The following CENPP variants were observed in gnomAD, a reference collection of about 807,000 sequenced individuals.
CENPP encodes the protein centromere protein P.
CENPP carries 24 observed loss-of-function variants against 35.6 expected under a neutral mutation model. That is an observed-to-expected ratio of 0.67 (90% CI 0.49 to 0.95). The LOEUF (loss-of-function observed/expected upper bound fraction) is 0.95, where lower values mean the gene tolerates loss of function less well. CENPP is among the 40% of genes least tolerant of loss of function. The pLI, the probability that CENPP is intolerant of heterozygous loss-of-function variation, is 0.00. For missense variants in CENPP, 332 were observed against 345.3 expected (o/e 0.96, Z 0.31); for synonymous variants, 120 against 125.5 (o/e 0.96, Z 0.29).
chr9:92,612,461 G>T (rs1588320886), intron 6 of CENPP, 62 bp from the exon 7 acceptor site: 10 of 1,331,558 alleles, frequency 7.5e-6, no homozygotes, highest in East Asian at 2.3e-5. Context: ...GCGACTCATG[G>T]TTGCTAATCT....
At chr9:92,391,241 CAA>C (rs770262906) in intron 5 of CENPP, among the ~76,000 whole-genome samples, 17 of 129,216 alleles carry the variant, frequency 1.3e-4, no homozygotes, top group East Asian at 2.2e-4. Flanking sequence ...CTAAAAATAC[CAA>C]AAAAAAAAAA....
rs554608098 is a variant in CENPP at position 92,562,196 on chromosome 9, T to C, written c.565-49118T>C. On this transcript the variant is annotated intron_variant, in intron 5 of 7. Coordinates refer to ENST00000375587, the MANE Select transcript of CENPP (RefSeq NM_001012267.3). ...TTCCCTTCTGGAACTCAGTTTTCTT[T>C]TTTTTCTTTTCTTTTTTTTTTTTTT... 2.0e-5 allele frequency among the ~76,000 whole-genome samples: 3 copies of C among 149,612 alleles called. 1 individual carries two copies. The highest frequency in any genetic ancestry group is 4.4e-5 in the Non-Finnish European group (3 of 67,586).
intron 5 of CENPP, chr9:92,474,516 A>G: frequency 6.9e-7 from 1 of 1,441,064 alleles, no homozygotes; most frequent in Non-Finnish European, 9.1e-7. Context: ...AATGAAAAAA[A>G]CTTATACACT....
intron 5 of CENPP, 42 bp downstream of exon 5, chr9:92,379,901 A>G: frequency 8.3e-7 from 1 of 1,210,032 alleles, no homozygotes; most frequent in Non-Finnish European, 1.2e-6. Flanking sequence ...TATGGAAAAC[A>G]AAGCTGATAT....
At chr9:92,605,810 T>C (rs1377245041) in intron 5 of CENPP, among the ~76,000 whole-genome samples, 3 of 152,216 alleles carry the variant, frequency 2.0e-5, no homozygotes, top group Non-Finnish European at 4.4e-5. Context: ...TTGGATTTCA[T>C]CAAAATGAAA....
intron 1 of CENPP, among the ~76,000 whole-genome samples, chr9:92,330,322 G>A (rs898410454): frequency 1.1e-4 from 16 of 152,226 alleles, no homozygotes; most frequent in African/African-American, 3.6e-4. Flanking sequence ...TACCTTGCAG[G>A]AAGAAGAGAT....
chr9:92,514,943 C>T lies in CENPP; in HGVS notation c.565-96371C>T, dbSNP rs773939662. On this transcript the variant is annotated intron_variant, in intron 5 of 7. Coordinates refer to ENST00000375587, the MANE Select transcript of CENPP (RefSeq NM_001012267.3). Reference sequence around the variant, plus strand: ...TCTCCAGGCCTCTGCTTTCTGTCTCCTCCTCTGCTGTCCCCCTCACTGTAA... The same window carrying T: ...TCTCCAGGCCTCTGCTTTCTGTCTCTTCCTCTGCTGTCCCCCTCACTGTAA... 14 of 1,614,060 alleles carry T rather than the reference C, an allele frequency of 8.7e-6. No individual in the cohort carries two copies. In the East Asian group the frequency reaches 2.7e-4, roughly 31 times the overall value.
intron 5 of CENPP, among the ~76,000 whole-genome samples, chr9:92,583,978 C>T (rs1261290911): frequency 1.3e-5 from 2 of 152,174 alleles, no homozygotes; most frequent in African/African-American, 4.8e-5. Context: ...CTGCTTAGTT[C>T]AGTTTCTTGA....
intron 5 of CENPP, among the ~76,000 whole-genome samples, chr9:92,471,150 G>T (rs1845497882): frequency 6.6e-6 from 1 of 151,874 alleles, no homozygotes; most frequent in African/African-American, 2.4e-5. Context: ...AAATTTTCAG[G>T]CTGTTATAGT....
intron 5 of CENPP, among the ~76,000 whole-genome samples, chr9:92,500,340 G>A (rs577473182): frequency 2.6e-5 from 4 of 152,110 alleles, no homozygotes; most frequent in African/African-American, 4.8e-5. Context: ...GCACCACCAC[G>A]CCCTGCTAAG....
At chr9:92,449,539 A>G (rs139197845) in intron 5 of CENPP, among the ~76,000 whole-genome samples, 108 of 151,370 alleles carry the variant, frequency 7.1e-4, no homozygotes, top group African/African-American at 2.5e-3. Context: ...TAAGGCATTT[A>G]GAAGAATATC....
chr9:92,619,402 A>T lies in CENPP; in HGVS notation c.*6253A>T. On this transcript the variant is annotated 3_prime_UTR_variant, in exon 8 of 8. Transcript: ENST00000375587. ...GCCATGGAGTCTCTAAATATGGGGA[A>T]ACCAACTATCCTATTAACAATTCAC... 8.8e-7 allele frequency: 1 copy of T among 1,138,414 alleles called. No homozygotes were observed. Among genetic ancestry groups the T allele is most frequent in the Non-Finnish European group, 1.3e-6 (1 of 774,582 alleles). 70.5% of individuals were successfully genotyped at this position (1,138,414 alleles called of 1,614,324 possible).
At chr9:92,570,798 T>C (rs1246545608) in intron 5 of CENPP, among the ~76,000 whole-genome samples, 1 of 152,228 alleles carries the variant, frequency 6.6e-6, no homozygotes, top group Admixed American at 6.5e-5. Context: ...CTTCCTGGTT[T>C]AGTCTTGGGA....
intron 5 of CENPP, among the ~76,000 whole-genome samples, chr9:92,413,249 AGT>A (rs1417103783): frequency 3.9e-4 from 60 of 152,014 alleles, no homozygotes; most frequent in Admixed American, 3.9e-3. Context: ...GGCCTTCCAA[AGT>A]GCTGGGATTA....
intron 4 of CENPP, among the ~76,000 whole-genome samples, chr9:92,347,455 G>A (rs1841323563): frequency 6.6e-6 from 1 of 152,252 alleles, no homozygotes; most frequent in South Asian, 2.1e-4. Context: ...TTTTAGAAAG[G>A]GTGCTGAACA....
chr9:92,605,869 C>G (rs1476953182), intron 5 of CENPP, among the ~76,000 whole-genome samples: 1 of 152,080 alleles, frequency 6.6e-6, no homozygotes, highest in African/African-American at 2.4e-5. Context: ...AACTCACAGA[C>G]CGAGAGAATA....
intron 5 of CENPP, among the ~76,000 whole-genome samples, chr9:92,526,308 T>C (rs1848406998): frequency 6.6e-6 from 1 of 152,224 alleles, no homozygotes; most frequent in Non-Finnish European, 1.5e-5. Flanking sequence ...AAAATATTTT[T>C]GTACAACTGT....
At chr9:92,483,199 C>T (rs1845966755) in intron 5 of CENPP, among the ~76,000 whole-genome samples, 1 of 152,096 alleles carries the variant, frequency 6.6e-6, no homozygotes, top group African/African-American at 2.4e-5. Flanking sequence ...CCCAATTCTA[C>T]ATCAACTAAG....
chr9:92,393,419 A>G (rs756655932), intron 5 of CENPP, among the ~76,000 whole-genome samples: 12 of 152,194 alleles, frequency 7.9e-5, no homozygotes, highest in Non-Finnish European at 1.8e-4. Flanking sequence ...ATAATTCACC[A>G]GAATATTGTT....
Sources: gnomAD v4.1 joint callset for allele counts (sites outside exome capture counted in the v4.1 genomes callset) on GRCh38, gnomAD v4.1.1 for gene constraint, MANE v1.5 for transcripts, NCBI Gene and HGNC (gene_info 2026-07-23, HGNC 2026-07-21) for gene names.